TTC7A: variants seen among roughly 807,000 people sequenced by gnomAD.
TTC7A encodes the protein tetratricopeptide repeat domain 7A, also known as tetratricopeptide repeat protein 7A.
TTC7A carries 110 observed loss-of-function variants against 103.7 expected under a neutral mutation model. The ratio of observed to expected loss-of-function variants is 1.06; its 90% CI spans 0.91 to 1.24. The LOEUF is 1.24. TTC7A is among the 50% of genes most tolerant of loss of function. TTC7A has a pLI of 0.00. For missense variants in TTC7A, 1,340 were observed against 1,116.3 expected, an observed-to-expected ratio of 1.20 and a Z score of -2.86; for synonymous variants, 521 against 467.9, an observed-to-expected ratio of 1.11 and a Z score of -1.47.
intron 11 of TTC7A, among the ~76,000 whole-genome samples, chr2:47,021,024 A>G (rs112411396): frequency 5.3e-5 from 8 of 152,332 alleles, no homozygotes; most frequent in African/African-American, 1.9e-4. Flanking sequence ...GGGTTTGCAC[A>G]TGGCATTCAG....
At chr2:46,940,297 T>C (rs1157836036), upstream of TTC7A, among the ~76,000 whole-genome samples, 1 of 152,222 alleles carries the variant, frequency 6.6e-6, no homozygotes, top group Admixed American at 6.5e-5. This position sits in a 1 kb window ranked among gnomAD's most constrained non-coding sequence, Gnocchi z 4.7. Context: ...CTTTTGAGTC[T>C]TCAGTCTGGA....
At chr2:47,058,382 C>T (rs987542803) in intron 18 of TTC7A, among the ~76,000 whole-genome samples, 2 of 152,202 alleles carry the variant, frequency 1.3e-5, no homozygotes, top group African/African-American at 4.8e-5. Context: ...TTAGGCAATG[C>T]TCGTGCTAAG....
intron 10 of TTC7A, among the ~76,000 whole-genome samples, chr2:47,009,426 A>C (rs1677774656): frequency 6.6e-6 from 1 of 152,166 alleles, no homozygotes; most frequent in South Asian, 2.1e-4. Flanking sequence ...CGCCTAGCCC[A>C]GTACTGGGTG....
chr2:47,063,353 C>G (rs1244980229), intron 19 of TTC7A, among the ~76,000 whole-genome samples: 3 of 152,192 alleles, frequency 2.0e-5, no homozygotes, highest in African/African-American at 7.2e-5. Context: ...CATGGAGTAT[C>G]TCACCCCCCT....
At chr2:46,925,878 C>T (rs190744966) in intron 2 of TTC7A, among the ~76,000 whole-genome samples, 116 of 152,322 alleles carry the variant, frequency 7.6e-4, no homozygotes, top group African/African-American at 2.7e-3. Context: ...AGATTCCTTT[C>T]TTAAAAACCA....
chr2:46,939,998 A>C (rs1192769411), upstream of TTC7A, among the ~76,000 whole-genome samples: 1 of 152,134 alleles, frequency 6.6e-6, no homozygotes, highest in Non-Finnish European at 1.5e-5. Context: ...CTGCCCACCA[A>C]ACAAGGACTG....
intron 5 of TTC7A, among the ~76,000 whole-genome samples, chr2:46,979,779 G>GA (rs2104277195): frequency 6.6e-6 from 1 of 152,352 alleles, no homozygotes; most frequent in East Asian, 1.9e-4. Flanking sequence ...CGGGAGCTGA[G>GA]GTTTCCTGCC....
In TTC7A at chr2:47,039,815, G is replaced by A. The variant is rs544180606; in HGVS notation, c.1803-6500G>A. Among the ~76,000 whole-genome samples the A allele has an allele frequency of 2.4e-4, 36 of 152,330 alleles. No individual in the cohort carries two copies. In the South Asian group the frequency reaches 4.8e-3, roughly 20 times the overall value. On this transcript the variant is annotated intron_variant, in intron 15 of 19. Coordinates refer to ENST00000319190, the MANE Select transcript of TTC7A (RefSeq NM_020458.4). ...CTCCATCATCAGCCTGAGCTGGAGCGCTTGGGGAGATTGGCAAAGCTGGTG... is the reference window on the plus strand; with the variant it reads ...CTCCATCATCAGCCTGAGCTGGAGCACTTGGGGAGATTGGCAAAGCTGGTG...
intron 8 of TTC7A, among the ~76,000 whole-genome samples, chr2:47,002,632 T>A (rs949823013): frequency 3.3e-5 from 5 of 152,028 alleles, no homozygotes; most frequent in Non-Finnish European, 5.9e-5. Flanking sequence ...GCTCCCATAG[T>A]GTCTGAGGCC....
intron 16 of TTC7A, among the ~76,000 whole-genome samples, chr2:47,048,135 G>A (rs981674710): frequency 6.6e-6 from 1 of 152,148 alleles, no homozygotes; most frequent in Non-Finnish European, 1.5e-5. Context: ...CTCAGGCCCT[G>A]TCCAGATGCC....
At chr2:46,922,784 C>T (rs981168233) in intron 2 of TTC7A, among the ~76,000 whole-genome samples, 4 of 152,136 alleles carry the variant, frequency 2.6e-5, no homozygotes, top group African/African-American at 9.7e-5. Flanking sequence ...AATTCTGCAG[C>T]AGACACCAGC....
chr2:46,919,593 A>T (rs10495940), intron 2 of TTC7A, among the ~76,000 whole-genome samples: 4 of 152,158 alleles, frequency 2.6e-5, no homozygotes, highest in African/African-American at 9.7e-5. Flanking sequence ...GAAATTGATC[A>T]GAAGTCTAAC....
intron 2 of TTC7A, among the ~76,000 whole-genome samples, chr2:46,923,958 A>G (rs1164787892): frequency 6.6e-6 from 1 of 151,294 alleles, no homozygotes; most frequent in African/African-American, 2.4e-5. Context: ...CTGGTCTCGA[A>G]CTCCTGACCT....
rs201960602 is a variant in TTC7A at position 46,950,506 on chromosome 2, C to G, written c.328C>G (p.Leu110Val). 9.5e-5 allele frequency: 153 copies of G among 1,614,112 alleles called. 2 individuals are homozygous for G. In the African/African-American group the frequency reaches 1.8e-3, roughly 19 times the overall value. Residue 110 changes from leucine to valine, a missense_variant, in exon 2 of 20, where the codon CTT becomes GTT. Coordinates refer to ENST00000319190, the MANE Select transcript of TTC7A (RefSeq NM_020458.4). Reference protein sequence around the residue: ...SEAKNYLSSILNHGRLSPQYM... With the variant: ...SEAKNYLSSIVNHGRLSPQYM... ...AGCCAAAAATTATCTAAGCAGTATC[C>G]TTAACCATGGGAGGCTCTCGGTAAG...
intron 5 of TTC7A, among the ~76,000 whole-genome samples, chr2:46,981,550 G>A (rs1674460607): frequency 6.6e-6 from 1 of 152,192 alleles, no homozygotes; most frequent in Non-Finnish European, 1.5e-5. Context: ...GAGGGTCCAT[G>A]GCCAAATAAG....
At position 46,941,416 on chromosome 2, in the gene TTC7A, G is replaced by GC. The variant is rs1670360523; in HGVS notation, c.-123dup. 1.9e-6 allele frequency: 2 copies of GC among 1,033,418 alleles called. No individual in the cohort carries two copies. The highest frequency in any genetic ancestry group is 3.4e-5 in the African/African-American group (2 of 59,280). The allele number at this position is 1,033,418 out of a possible 1,614,324, so 64.0% of individuals were successfully genotyped here. A position where few individuals can be genotyped will look rare whatever the true frequency, so the allele number is the denominator to read the frequency against. On this transcript the variant is annotated 5_prime_UTR_variant, in exon 1 of 20. Coordinates refer to ENST00000319190, the MANE Select transcript of TTC7A (RefSeq NM_020458.4). This position sits in a 1 kb window ranked among gnomAD's most constrained non-coding sequence, Gnocchi z 4.2. The stretch of plus-strand genomic sequence containing the variant: ...CTCCGCCGCCCGGGCCCCCGCTGCC[G>GC]CCCGGGCCCCGGCTGCCGTCTGCGC...
chr2:47,041,405 C>T (rs2104670152), intron 15 of TTC7A, among the ~76,000 whole-genome samples: 1 of 152,292 alleles, frequency 6.6e-6, no homozygotes, highest in Middle Eastern at 3.4e-3. Flanking sequence ...ACGGTGGTTT[C>T]ACCATCCATA....
At chr2:46,946,941 A>C (rs557744116) in intron 1 of TTC7A, among the ~76,000 whole-genome samples, 1 of 152,268 alleles carries the variant, frequency 6.6e-6, no homozygotes, top group African/African-American at 2.4e-5. Context: ...TAAACAAACA[A>C]CAAGTAGATT....
intron 2 of TTC7A, among the ~76,000 whole-genome samples, chr2:46,923,731 A>G (rs1249051318): frequency 6.6e-6 from 1 of 151,772 alleles, no homozygotes; most frequent in Non-Finnish European, 1.5e-5. Flanking sequence ...GTCTCTATAG[A>G]AAAACTTTTT....
Sources: gnomAD v4.1 joint callset for allele counts (sites outside exome capture counted in the v4.1 genomes callset) on GRCh38, gnomAD v4.1.1 for gene constraint, Gnocchi (gnomAD v3.1) non-coding constraint, MANE v1.5 for transcripts, NCBI Gene and HGNC (gene_info 2026-07-23, HGNC 2026-07-21) for gene names.